The following LMNB1 variants were observed in gnomAD, a reference collection of about 807,000 sequenced individuals.
LMNB1 encodes lamin-B1.
A neutral mutation model predicts 67.1 loss-of-function variants in LMNB1; 23 were observed. The observed-to-expected ratio is 0.34, with a 90% confidence interval of 0.25 to 0.49. The LOEUF is 0.49. Among genes scored for constraint, LMNB1 ranks in the 20% least tolerant of loss-of-function variants. LMNB1 has a pLI of 0.99. For synonymous variants in LMNB1, 281 were observed against 282.9 expected, an observed-to-expected ratio of 0.99 and a Z score of 0.07; for missense variants, 634 against 746.5, an observed-to-expected ratio of 0.85 and a Z score of 1.76.
At chr5:126,798,266 G>T (rs982013205) in intron 1 of LMNB1, among the ~76,000 whole-genome samples, 1 of 152,136 alleles carries the variant, frequency 6.6e-6, no homozygotes, top group Non-Finnish European at 1.5e-5. Context: ...TGGCCAACAC[G>T]GTGAAACCCC....
intron 1 of LMNB1, among the ~76,000 whole-genome samples, chr5:126,785,309 T>A (rs949222861): frequency 7.2e-6 from 1 of 139,086 alleles, no homozygotes; most frequent in East Asian, 2.2e-4. Flanking sequence ...TTTTTTTTTT[T>A]AATAACTGAG....
Position 126,832,458 on chromosome 5 carries a change from G to C in LMNB1, c.1612-236G>C, listed in dbSNP as rs2973594. 0.66 allele frequency among the ~76,000 whole-genome samples: 100,558 copies of C among 151,748 alleles called. 33,453 individuals carry two copies. The highest frequency in any genetic ancestry group is 0.71 in the Middle Eastern group (209 of 294). ...GGGATTACAGGCACGTGCCATCATG[G>C]CCAGCTAATTTTTGTATTTTTAGTA... On this transcript the variant is annotated intron_variant, in intron 9 of 10. Coordinates refer to ENST00000261366, the MANE Select transcript of LMNB1 (RefSeq NM_005573.4).
At chr5:126,813,416 C>T (rs1751627326) in intron 5 of LMNB1, among the ~76,000 whole-genome samples, 2 of 152,160 alleles carry the variant, frequency 1.3e-5, no homozygotes, top group African/African-American at 4.8e-5. Flanking sequence ...TCTACTCCTT[C>T]CCAGTTTTTC....
Position 126,777,655 on chromosome 5 carries a change from G to A in LMNB1, c.147G>A (p.Lys49=), listed in dbSNP as rs765490049. The change falls in exon 1 of 11, where the codon AAG becomes AAA. Residue 49 remains lysine (K), a synonymous_variant. Coordinates refer to ENST00000261366, the MANE Select transcript of LMNB1 (RefSeq NM_005573.4). ...LNDRLAVYID[K]VRSLETENSA... is the part of the protein sequence containing the mutation. ...ACCGGCTGGCGGTGTACATCGACAA[G>A]GTGCGCAGCCTGGAGACGGAGAACA... 14 of 1,544,438 alleles carry A rather than the reference G, an allele frequency of 9.1e-6. No individual in the cohort carries two copies. In the South Asian group the frequency reaches 1.7e-4, roughly 19 times the overall value.
At chr5:126,778,864 A>G (rs1333016238) in intron 1 of LMNB1, among the ~76,000 whole-genome samples, 2 of 152,160 alleles carry the variant, frequency 1.3e-5, no homozygotes, top group East Asian at 3.8e-4. Flanking sequence ...AGAGTTTGTA[A>G]TTCACCTAAG....
At chr5:126,833,018 C>T (rs979300305) in intron 10 of LMNB1, among the ~76,000 whole-genome samples, 4 of 151,894 alleles carry the variant, frequency 2.6e-5, no homozygotes, top group Non-Finnish European at 4.4e-5. Context: ...CTCATTGTAC[C>T]AAGTTTCAGT....
chr5:126,804,479 C>G (rs1378827339), intron 1 of LMNB1, among the ~76,000 whole-genome samples: 1 of 151,974 alleles, frequency 6.6e-6, no homozygotes, highest in Non-Finnish European at 1.5e-5. Flanking sequence ...GTTAGTGTGC[C>G]TCTTTATAGA....
rs144028168 is a variant in LMNB1, at chr5:126,782,497, A to G, written c.359+4630A>G. Reference sequence around the variant, plus strand: ...TTTGCCACTAAATGTGTTAATAAAAATTTTAGGTTTTCAAACTCTGGAAGT... The same window carrying G: ...TTTGCCACTAAATGTGTTAATAAAAGTTTTAGGTTTTCAAACTCTGGAAGT... On this transcript the variant is annotated intron_variant, in intron 1 of 10. Coordinates refer to ENST00000261366, the MANE Select transcript of LMNB1 (RefSeq NM_005573.4). Among the ~76,000 whole-genome samples the G allele has an allele frequency of 1.3e-4, 20 of 152,288 alleles. No individual in the cohort carries two copies. The East Asian group carries it at 3.5e-3, about 26-fold the overall frequency.
intron 1 of LMNB1, among the ~76,000 whole-genome samples, chr5:126,787,537 TATATA>T (rs1436540827): frequency 0.076 from 5,404 of 71,564 alleles, 262 homozygotes; most frequent in Non-Finnish European, 0.11. Context: ...TATATATATA[TATATA>T]TATATTTTTT....
intron 1 of LMNB1, among the ~76,000 whole-genome samples, chr5:126,778,690 A>C (rs1021145579): frequency 4.0e-5 from 6 of 151,898 alleles, no homozygotes; most frequent in Non-Finnish European, 8.8e-5. Flanking sequence ...CGGTTCTCCT[A>C]CCCCTCAGGC....
intron 7 of LMNB1, among the ~76,000 whole-genome samples, chr5:126,821,545 G>T (rs1325294527): frequency 1.3e-5 from 2 of 152,200 alleles, no homozygotes; most frequent in South Asian, 2.1e-4. Context: ...TAAGAGCCTG[G>T]ACTCAGATAT....
At chr5:126,784,366 A>T (rs937800407) in intron 1 of LMNB1, among the ~76,000 whole-genome samples, 4 of 127,644 alleles carry the variant, frequency 3.1e-5, no homozygotes, top group African/African-American at 1.2e-4. Context: ...ATTTTATTTT[A>T]TTTTTTTGAG....
intron 8 of LMNB1, among the ~76,000 whole-genome samples, chr5:126,824,098 T>G (rs1374111472): frequency 6.6e-6 from 1 of 152,188 alleles, no homozygotes; most frequent in East Asian, 1.9e-4. Flanking sequence ...TATAAAATAA[T>G]GTGATACTTT....
chr5:126,828,850 A>G (rs1352132829), intron 9 of LMNB1, among the ~76,000 whole-genome samples: 1 of 151,990 alleles, frequency 6.6e-6, no homozygotes, highest in East Asian at 1.9e-4. Flanking sequence ...GTGAGCCACC[A>G]TGCCCGGCCA....
At position 126,812,577 on chromosome 5, in the gene LMNB1, A is replaced by G. The variant is rs540094250; in HGVS notation, c.939+679A>G. ...TGATGTCAGTGTGGACACAAAGTAC[A>G]TATACTCCATATACTGCATTCAGAA... On this transcript the variant is annotated intron_variant, in intron 5 of 10. Transcript: ENST00000261366. 3.9e-5 allele frequency among the ~76,000 whole-genome samples: 6 copies of G among 152,264 alleles called. No homozygotes were observed. The South Asian group carries it at 1.0e-3, about 26-fold the overall frequency.
chr5:126,814,010 C>T (rs1163264802), intron 5 of LMNB1, among the ~76,000 whole-genome samples: 1 of 152,174 alleles, frequency 6.6e-6, no homozygotes, highest in African/African-American at 2.4e-5. Flanking sequence ...ATTCCCCTGC[C>T]TTAGCTTCCC....
At chr5:126,811,986 C>A in intron 5 of LMNB1, 88 bp downstream of exon 5, 1 of 1,302,504 alleles carries the variant, frequency 7.7e-7, no homozygotes, top group Non-Finnish European at 1.1e-6. Flanking sequence ...TGATGTCACT[C>A]CTCCCTCTGT....
At chr5:126,808,575 A>G (rs1009006988) in intron 3 of LMNB1, among the ~76,000 whole-genome samples, 1 of 152,074 alleles carries the variant, frequency 6.6e-6, no homozygotes, top group Non-Finnish European at 1.5e-5. Flanking sequence ...AAAAGGAAGG[A>G]GAAAGACGAA....
chr5:126,815,572 T>A (rs563793914), intron 5 of LMNB1, among the ~76,000 whole-genome samples: 8 of 152,270 alleles, frequency 5.3e-5, no homozygotes, highest in South Asian at 4.1e-4. Context: ...ATAAAATATT[T>A]AAAAACCCCA....
Sources: gnomAD v4.1 joint callset for allele counts (sites outside exome capture counted in the v4.1 genomes callset) on GRCh38, gnomAD v4.1.1 for gene constraint, MANE v1.5 for transcripts, NCBI Gene and HGNC (gene_info 2026-07-23, HGNC 2026-07-21) for gene names.